The following ATG10 variants were observed in gnomAD, a reference collection of about 807,000 sequenced individuals.
ATG10 encodes the protein ubiquitin-like-conjugating enzyme ATG10.
In ATG10, 30 loss-of-function variants were observed where a neutral mutation model predicts 32.1. That is an observed-to-expected ratio of 0.94 (90% confidence interval 0.70 to 1.27). The LOEUF is 1.27. Ranked by LOEUF, ATG10 falls within the 50% of genes most tolerant of loss-of-function variation. ATG10 has a pLI of 0.00. For missense variants in ATG10, 233 were observed against 262.3 expected, an observed-to-expected ratio of 0.89 and a Z score of 0.77; for synonymous variants, 87 against 91.5, an observed-to-expected ratio of 0.95 and a Z score of 0.28.
intron 5 of ATG10, among the ~76,000 whole-genome samples, chr5:82,236,840 A>G (rs1746573850): frequency 6.6e-6 from 1 of 152,176 alleles, no homozygotes; most frequent in East Asian, 1.9e-4. Context: ...CATCCTAGAA[A>G]TGAGGAGAAA....
chr5:82,023,588 A>G (rs960746757), intron 2 of ATG10, among the ~76,000 whole-genome samples: 9 of 152,260 alleles, frequency 5.9e-5, no homozygotes, highest in African/African-American at 2.2e-4. Context: ...TTAATGTTAC[A>G]TTAATGAGTT....
chr5:82,061,889 A>G (rs533671286), intron 3 of ATG10, among the ~76,000 whole-genome samples: 1 of 134,964 alleles, frequency 7.4e-6, no homozygotes, highest in Admixed American at 8.7e-5. Flanking sequence ...GCAGTGGCAC[A>G]GTCAGTCATA....
intron 5 of ATG10, among the ~76,000 whole-genome samples, chr5:82,180,082 G>T (rs1190246037): frequency 1.3e-5 from 2 of 152,014 alleles, no homozygotes; most frequent in African/African-American, 4.8e-5. Flanking sequence ...AACCACTGCT[G>T]TGCTTACTTA....
chr5:82,146,972 T>C (rs1052920400), intron 3 of ATG10, among the ~76,000 whole-genome samples: 12 of 152,208 alleles, frequency 7.9e-5, no homozygotes, highest in African/African-American at 2.9e-4. Context: ...GTTCTTTCTA[T>C]GTTGGGTAAT....
intron 3 of ATG10, among the ~76,000 whole-genome samples, chr5:82,084,066 A>G (rs952286439): frequency 2.0e-5 from 3 of 152,186 alleles, no homozygotes; most frequent in Non-Finnish European, 2.9e-5. Context: ...CCCATCACAA[A>G]GAAGCTAAAA....
intron 5 of ATG10, among the ~76,000 whole-genome samples, chr5:82,207,398 T>C (rs1269758870): frequency 2.0e-5 from 3 of 152,160 alleles, no homozygotes; most frequent in Admixed American, 6.5e-5. Context: ...AAATTTCATA[T>C]CCCTAATGAT....
At chr5:82,104,384 A>G (rs1373343600) in intron 3 of ATG10, among the ~76,000 whole-genome samples, 1 of 152,040 alleles carries the variant, frequency 6.6e-6, no homozygotes, top group African/African-American at 2.4e-5. Flanking sequence ...GAATTTTCTC[A>G]TCTTCTCTCT....
intron 5 of ATG10, chr5:82,242,853 A>G (rs1187882542): frequency 2.2e-6 from 1 of 451,558 alleles, no homozygotes; most frequent in Admixed American, 2.4e-5. Context: ...ATATTATCCC[A>G]GAATGAATGC....
chr5:82,096,361 A>G (rs1765064847), intron 3 of ATG10, among the ~76,000 whole-genome samples: 1 of 152,208 alleles, frequency 6.6e-6, no homozygotes. Context: ...TCACAGATAT[A>G]TATTTCCTGT....
intron 3 of ATG10, among the ~76,000 whole-genome samples, chr5:82,065,212 G>A (rs183612170): frequency 6.6e-5 from 10 of 152,220 alleles, no homozygotes; most frequent in South Asian, 2.1e-4. Context: ...AGGGCCGGGC[G>A]CAGTGACTCA....
intron 3 of ATG10, among the ~76,000 whole-genome samples, chr5:82,129,382 T>A (rs1430347584): frequency 6.6e-6 from 1 of 152,060 alleles, no homozygotes; most frequent in East Asian, 1.9e-4. Flanking sequence ...TTATGTTCCC[T>A]TGCTGGTGAG....
At chr5:82,158,522 T>C (rs1273363456) in intron 3 of ATG10, among the ~76,000 whole-genome samples, 1 of 152,092 alleles carries the variant, frequency 6.6e-6, no homozygotes, top group Non-Finnish European at 1.5e-5. Context: ...TTACATTGTA[T>C]TAAGTATGAT....
At chr5:82,062,485 C>T (rs1763816020) in intron 3 of ATG10, among the ~76,000 whole-genome samples, 1 of 152,180 alleles carries the variant, frequency 6.6e-6, no homozygotes. Context: ...TCAGTGTTCT[C>T]ATTCAAACTG....
At chr5:82,219,421 A>G (rs977136829) in intron 5 of ATG10, among the ~76,000 whole-genome samples, 1 of 152,232 alleles carries the variant, frequency 6.6e-6, no homozygotes, top group Non-Finnish European at 1.5e-5. Flanking sequence ...TTAATAGGAA[A>G]CATTTAATAG....
At chr5:82,148,209 A>AAT (rs1767445342) in intron 3 of ATG10, 1 of 152,140 alleles carries the variant, frequency 6.6e-6, no homozygotes, top group African/African-American at 2.4e-5. Flanking sequence ...GACTAAATAA[A>AAT]ATACTATTTG....
At chr5:82,163,527 G>C (rs1743451610) in intron 3 of ATG10, among the ~76,000 whole-genome samples, 1 of 152,092 alleles carries the variant, frequency 6.6e-6, no homozygotes, top group Non-Finnish European at 1.5e-5. Flanking sequence ...TTTAATGAGA[G>C]GTAGAAATGA....
chr5:82,009,811 G>A (rs1227321094), intron 2 of ATG10: 2 of 1,606,240 alleles, frequency 1.2e-6, no homozygotes, highest in Admixed American at 1.7e-5. Context: ...AAGATGCCAG[G>A]ACCTGTATGC....
intron 2 of ATG10, among the ~76,000 whole-genome samples, chr5:82,040,517 A>G (rs1341548860): frequency 6.6e-6 from 1 of 152,246 alleles, no homozygotes; most frequent in Non-Finnish European, 1.5e-5. Flanking sequence ...TACTGTTTGA[A>G]TTCTCAGGGG....
chr5:81,976,169 T>A (rs1760869390), intron 1 of ATG10: 2 of 123,268 alleles, frequency 1.6e-5, no homozygotes, highest in African/African-American at 7.4e-5. Context: ...CCCGGCTAAT[T>A]TTTTTTTTTT....
Sources: gnomAD v4.1 joint callset for allele counts (sites outside exome capture counted in the v4.1 genomes callset) on GRCh38, gnomAD v4.1.1 for gene constraint, MANE v1.5 for transcripts, NCBI Gene and HGNC (gene_info 2026-07-23, HGNC 2026-07-21) for gene names.